CRIM1: variants seen among roughly 807,000 people sequenced by gnomAD.
CRIM1 encodes the protein cysteine rich transmembrane BMP regulator 1.
CRIM1 carries 32 observed loss-of-function variants against 116.4 expected under a neutral mutation model. That is an observed-to-expected ratio of 0.27 (90% CI 0.21 to 0.37). The LOEUF (loss-of-function observed/expected upper bound fraction) is 0.37, where lower values mean the gene tolerates loss of function less well. Among genes scored for constraint, CRIM1 ranks in the 10% least tolerant of loss-of-function variants. CRIM1 has a pLI of 1.00. For missense variants in CRIM1, 1,331 were observed against 1,354.8 expected (o/e 0.98, Z 0.28); for synonymous variants, 590 against 509.2 (o/e 1.16, Z -2.13).
At chr2:36,452,685 G>A (rs1676828064) in intron 4 of CRIM1, among the ~76,000 whole-genome samples, 1 of 138,578 alleles carries the variant, frequency 7.2e-6, no homozygotes. Context: ...AGGGCCTTAG[G>A]CTTTTTTTAT....
At chr2:36,464,782 C>G (rs1014937291) in intron 5 of CRIM1, 127 bp downstream of exon 5, 4 of 1,118,648 alleles carry the variant, frequency 3.6e-6, no homozygotes, top group Admixed American at 2.0e-5. Context: ...CTGAAGGGCA[C>G]TCAAAAAGGT....
At chr2:36,416,612 C>T (rs934546957) in intron 2 of CRIM1, among the ~76,000 whole-genome samples, 2 of 152,192 alleles carry the variant, frequency 1.3e-5, no homozygotes, top group Non-Finnish European at 2.9e-5. Context: ...TTTTAGTTTA[C>T]GCCTAATTTC....
chr2:36,541,789 T>A (rs1233481998), intron 14 of CRIM1, among the ~76,000 whole-genome samples: 1 of 152,164 alleles, frequency 6.6e-6, no homozygotes, highest in Non-Finnish European at 1.5e-5. Flanking sequence ...GCACTGTCCA[T>A]CTGTAATGCC....
At chr2:36,365,576 G>A (rs995975746) in intron 1 of CRIM1, among the ~76,000 whole-genome samples, 3 of 152,170 alleles carry the variant, frequency 2.0e-5, no homozygotes, top group South Asian at 2.1e-4. Flanking sequence ...ACTAATAGTC[G>A]AGGTTGGCCA....
intron 5 of CRIM1, among the ~76,000 whole-genome samples, chr2:36,469,177 A>T (rs1416086361): frequency 6.6e-6 from 1 of 152,162 alleles, no homozygotes; most frequent in East Asian, 1.9e-4. Flanking sequence ...CCCTCTTCCC[A>T]GTGGTGCCAA....
chr2:36,431,493 G>A (rs1674887496), intron 2 of CRIM1, among the ~76,000 whole-genome samples: 1 of 152,076 alleles, frequency 6.6e-6, no homozygotes, highest in Non-Finnish European at 1.5e-5. Context: ...AAAAACATCT[G>A]AAATCCATAT....
intron 2 of CRIM1, among the ~76,000 whole-genome samples, chr2:36,418,893 T>A (rs2124847172): frequency 6.6e-6 from 1 of 152,274 alleles, no homozygotes; most frequent in South Asian, 2.1e-4. Flanking sequence ...GAGATGATGG[T>A]CCCAGCGCTG....
intron 2 of CRIM1, among the ~76,000 whole-genome samples, chr2:36,422,622 T>A (rs1465034005): frequency 2.0e-5 from 3 of 152,236 alleles, no homozygotes; most frequent in Non-Finnish European, 4.4e-5. Context: ...GTTATGATAC[T>A]ATGTTTTTGC....
intron 2 of CRIM1, among the ~76,000 whole-genome samples, chr2:36,398,961 G>A (rs1672231525): frequency 1.3e-5 from 2 of 152,310 alleles, no homozygotes; most frequent in Middle Eastern, 3.4e-3. Flanking sequence ...GTGTGATAAG[G>A]TATCATGGAG....
At chr2:36,400,760 C>T (rs1672347125) in intron 2 of CRIM1, among the ~76,000 whole-genome samples, 1 of 152,032 alleles carries the variant, frequency 6.6e-6, no homozygotes, top group African/African-American at 2.4e-5. Flanking sequence ...TGTTGATAAG[C>T]TCTAGAAGGC....
At chr2:36,436,689 T>G (rs187623597) in intron 2 of CRIM1, among the ~76,000 whole-genome samples, 8 of 152,296 alleles carry the variant, frequency 5.3e-5, no homozygotes, top group African/African-American at 1.9e-4. Context: ...ATTTTAAAAT[T>G]GGTTATGAGA....
At position 36,485,428 on chromosome 2, in the gene CRIM1, G is replaced by T. The variant is rs1397866165; in HGVS notation, c.1372+5734G>T. On this transcript the variant is annotated intron_variant, in intron 7 of 16. Transcript: ENST00000280527. ...TCTGTGAGCTGTCAAATATATTGTC[G>T]TCTTCTTCATCAATCCCAAATTTAT... Among the ~76,000 whole-genome samples the T allele has an allele frequency of 2.0e-5, 3 of 152,076 alleles. 1 individual carries two copies. The highest frequency in any genetic ancestry group is 7.2e-5 in the African/African-American group (3 of 41,398).
At chr2:36,481,350 CTT>C (rs767907982) in intron 7 of CRIM1, among the ~76,000 whole-genome samples, 12 of 152,232 alleles carry the variant, frequency 7.9e-5, no homozygotes, top group Admixed American at 3.3e-4. Context: ...AGGAGTGAAA[CTT>C]AGTGTGGTCA....
chr2:36,423,261 G>A (rs1368085647), intron 2 of CRIM1, among the ~76,000 whole-genome samples: 1 of 152,190 alleles, frequency 6.6e-6, no homozygotes, highest in Admixed American at 6.5e-5. Flanking sequence ...GCTAGAGTCA[G>A]CTTGGACTCG....
intron 1 of CRIM1, among the ~76,000 whole-genome samples, chr2:36,393,901 T>C (rs1311698806): frequency 2.6e-5 from 4 of 152,212 alleles, no homozygotes; most frequent in African/African-American, 9.6e-5. Context: ...GAAGCTGATA[T>C]TCAGCAGTAA....
At chr2:36,380,544 C>T (rs113683477) in intron 1 of CRIM1, among the ~76,000 whole-genome samples, 80 of 152,084 alleles carry the variant, frequency 5.3e-4, no homozygotes, top group African/African-American at 1.7e-3. Flanking sequence ...TGGGTTTGAG[C>T]GCAGAGTCTA....
intron 13 of CRIM1, among the ~76,000 whole-genome samples, chr2:36,530,439 A>G (rs960651623): frequency 6.6e-6 from 1 of 152,120 alleles, no homozygotes; most frequent in Non-Finnish European, 1.5e-5. Context: ...CTCACATTCT[A>G]TTTATTCTCC....
At chr2:36,430,575 A>G (rs1347211515) in intron 2 of CRIM1, among the ~76,000 whole-genome samples, 1 of 152,172 alleles carries the variant, frequency 6.6e-6, no homozygotes, top group African/African-American at 2.4e-5. Context: ...TGGATACCCA[A>G]AGGACACAAA....
chr2:36,378,767 T>G (rs1670508009), intron 1 of CRIM1: 1 of 151,140 alleles, frequency 6.6e-6, no homozygotes, highest in Non-Finnish European at 1.5e-5. Context: ...AGCTAGAGAT[T>G]AAAATTTGCA....
Sources: gnomAD v4.1 joint callset for allele counts (sites outside exome capture counted in the v4.1 genomes callset) on GRCh38, gnomAD v4.1.1 for gene constraint, MANE v1.5 for transcripts, NCBI Gene and HGNC (gene_info 2026-07-23, HGNC 2026-07-21) for gene names.